Variants in STRN3 observed in about 807,000 individuals in gnomAD.
The protein encoded by STRN3 is striatin 3.
In STRN3, 29 loss-of-function variants were observed where a neutral mutation model predicts 95.6. That is an observed-to-expected ratio of 0.30 (90% CI 0.23 to 0.41). STRN3 has a LOEUF of 0.41. Ranked by LOEUF, STRN3 falls within the 10% of genes least tolerant of loss-of-function variation. STRN3 has a pLI of 1.00. For synonymous variants in STRN3, 331 were observed against 357.6 expected, an observed-to-expected ratio of 0.93 and a Z score of 0.84; for missense variants, 890 against 972.1, an observed-to-expected ratio of 0.92 and a Z score of 1.12.
chr14:30,986,334 C>T (rs1475223686), intron 1 of STRN3, among the ~76,000 whole-genome samples: 1 of 152,146 alleles, frequency 6.6e-6, no homozygotes, highest in African/African-American at 2.4e-5. Context: ...CATTATCTAG[C>T]TCGGTCAACC....
chr14:30,910,280 A>G (rs1158409489), intron 13 of STRN3, among the ~76,000 whole-genome samples: 2 of 152,050 alleles, frequency 1.3e-5, no homozygotes. Context: ...TCTTCTTATC[A>G]TTTATCACAA....
intron 1 of STRN3, among the ~76,000 whole-genome samples, chr14:31,011,887 CTGACCAACA>C (rs1882986064): frequency 6.6e-6 from 1 of 152,154 alleles, no homozygotes; most frequent in Non-Finnish European, 1.5e-5. Flanking sequence ...GGAGACCAGC[CTGACCAACA>C]TGGTGAAACC....
At chr14:30,950,278 A>G (rs958149057) in intron 4 of STRN3, among the ~76,000 whole-genome samples, 2 of 152,216 alleles carry the variant, frequency 1.3e-5, no homozygotes, top group African/African-American at 4.8e-5. Context: ...TCAAGAGTGA[A>G]GGTAAAGATA....
chr14:30,990,390 G>T (rs1286175769), intron 1 of STRN3, among the ~76,000 whole-genome samples: 1 of 151,392 alleles, frequency 6.6e-6, no homozygotes, highest in Non-Finnish European at 1.5e-5. Flanking sequence ...GGATGGTCTC[G>T]ATCTCCTGAT....
rs1305991538 is a variant in STRN3, at chr14:30,911,167, T to C, written c.1599-5A>G. Reference sequence around the variant, plus strand: ...GCTAATGACAGAACAGGGCCGCTATTGTAGGAAGAGAGGAAAAACAAATTA... The same window carrying C: ...GCTAATGACAGAACAGGGCCGCTATCGTAGGAAGAGAGGAAAAACAAATTA... On this transcript the variant is annotated splice_region_variant and splice_polypyrimidine_tract_variant and intron_variant, in intron 12 of 17. Transcript: ENST00000357479. 2.5e-6 allele frequency: 4 copies of C among 1,606,606 alleles called. No individual in the cohort carries two copies. The highest frequency in any genetic ancestry group is 1.1e-5 in the South Asian group (1 of 88,964).
chr14:30,964,929 A>G (rs12885507), intron 1 of STRN3, among the ~76,000 whole-genome samples: 12,033 of 151,814 alleles, frequency 0.079, 528 homozygotes, highest in Non-Finnish European at 0.1. Context: ...TCAAAAAAAA[A>G]AAGAAAAAAA....
At chr14:30,981,026 G>A (rs997434563) in intron 1 of STRN3, among the ~76,000 whole-genome samples, 2 of 152,050 alleles carry the variant, frequency 1.3e-5, no homozygotes, top group Admixed American at 6.5e-5. Flanking sequence ...TAGGTTTTCT[G>A]TCCAGGCATG....
At chr14:30,984,605 T>G (rs1425303083) in intron 1 of STRN3, among the ~76,000 whole-genome samples, 1 of 151,776 alleles carries the variant, frequency 6.6e-6, no homozygotes, top group Non-Finnish European at 1.5e-5. Flanking sequence ...GGATGAAACC[T>G]CGTATCCACC....
intron 15 of STRN3, among the ~76,000 whole-genome samples, chr14:30,905,163 A>T (rs1466638116): frequency 6.6e-6 from 1 of 152,144 alleles, no homozygotes; most frequent in Non-Finnish European, 1.5e-5. Context: ...CATTAAGTTC[A>T]TTATGTTATT....
chr14:30,923,186 T>G (rs1566437479), intron 8 of STRN3, among the ~76,000 whole-genome samples: 1 of 152,170 alleles, frequency 6.6e-6, no homozygotes, highest in African/African-American at 2.4e-5. Flanking sequence ...TAAGAGTAAG[T>G]TCTTCTTAAA....
chr14:30,905,602 A>C (rs765695897), intron 14 of STRN3, 44 bp from the exon 15 acceptor site: 1 of 1,548,270 alleles, frequency 6.5e-7, no homozygotes, highest in African/African-American at 1.4e-5. Flanking sequence ...AAGTAAAATT[A>C]CTATGAAATC....
At chr14:30,950,982 T>A (rs1265416195) in intron 3 of STRN3, 38 bp from the exon 4 acceptor site, 1 of 1,557,616 alleles carries the variant, frequency 6.4e-7, no homozygotes, top group South Asian at 1.2e-5. Context: ...CATACTTTAT[T>A]TCGACTCCTG....
At chr14:30,945,862 G>A (rs1366904685) in intron 5 of STRN3, among the ~76,000 whole-genome samples, 2 of 152,080 alleles carry the variant, frequency 1.3e-5, no homozygotes, top group African/African-American at 4.8e-5. Flanking sequence ...AATGGAGAGC[G>A]GCCACCTAAT....
intron 15 of STRN3, 47 bp from the exon 16 acceptor site, chr14:30,902,690 A>C: frequency 8.0e-7 from 1 of 1,257,114 alleles, no homozygotes. Context: ...ACCTTTAATA[A>C]GAAGTTGGAT....
intron 16 of STRN3, among the ~76,000 whole-genome samples, chr14:30,899,907 A>T (rs1243594758): frequency 1.3e-5 from 2 of 152,246 alleles, no homozygotes; most frequent in Non-Finnish European, 2.9e-5. Flanking sequence ...CATAGCATAA[A>T]GTTCTATCAT....
At chr14:30,951,059 G>A in intron 3 of STRN3, 115 bp from the exon 4 acceptor site, 2 of 865,846 alleles carry the variant, frequency 2.3e-6, no homozygotes, top group Non-Finnish European at 3.5e-6. Flanking sequence ...TAAAGGACAG[G>A]AAAAAATTAA....
At chr14:30,969,159 G>A (rs563507708) in intron 1 of STRN3, among the ~76,000 whole-genome samples, 1 of 152,292 alleles carries the variant, frequency 6.6e-6, no homozygotes, top group East Asian at 1.9e-4. Context: ...CTATAAGCTG[G>A]GCGCAGTGGC....
chr14:31,009,080 C>A (rs947259297), intron 1 of STRN3, among the ~76,000 whole-genome samples: 21 of 151,942 alleles, frequency 1.4e-4, no homozygotes, highest in Admixed American at 1.3e-4. Context: ...ATTTTATAAA[C>A]ACACAAAAAA....
At position 30,950,897 on chromosome 14, in the gene STRN3, A is replaced by C; in HGVS notation, c.508T>G (p.Leu170Val). The C allele has an allele frequency of 6.2e-7, 1 of 1,613,918 alleles. No homozygotes were observed. Among genetic ancestry groups the C allele is most frequent in the Non-Finnish European group, 8.5e-7 (1 of 1,179,960 alleles). The change falls in exon 4 of 18, where the codon TTA (leucine) becomes GTA (valine). Residue 170 changes from leucine to valine, a missense_variant. By Grantham distance (32) the Leu-to-Val change is conservative. This residue lies in a region of STRN3 where 526 missense variants were observed against 526.3 expected (regional missense o/e 1.00). Transcript: ENST00000357479. ...AGCTGTCTGCCTTGCTTCCACGTTAACTGGCTATTCTGAGGTGCTGTGGGA... is the reference window on the plus strand; with the variant it reads ...AGCTGTCTGCCTTGCTTCCACGTTACCTGGCTATTCTGAGGTGCTGTGGGA... ...EAPTAPQNSQ[L>V]TWKQGRQLLR...
Sources: allele counts gnomAD v4.1 joint callset (sites outside exome capture counted in the v4.1 genomes callset), GRCh38; gene constraint gnomAD v4.1.1; regional missense constraint gnomAD v4.1.1; transcripts MANE v1.5; gene names NCBI Gene and HGNC (gene_info 2026-07-23, HGNC 2026-07-21).